The following TRHDE variants were observed in gnomAD, a reference collection of about 807,000 sequenced individuals.
TRHDE encodes the protein thyrotropin releasing hormone degrading enzyme.
In TRHDE, 72 loss-of-function variants were observed where a neutral mutation model predicts 125.7. That is an observed-to-expected ratio of 0.57 (90% CI 0.47 to 0.70). TRHDE has a LOEUF of 0.70. Among genes scored for constraint, TRHDE ranks in the 30% least tolerant of loss-of-function variants. TRHDE has a pLI of 0.00. For missense variants in TRHDE, 1,110 were observed against 1,327.1 expected, an observed-to-expected ratio of 0.84 and a Z score of 2.54; for synonymous variants, 509 against 509.1, an observed-to-expected ratio of 1.00 and a Z score of 0.00.
At chr12:72,516,899 T>G (rs1185112637) in intron 6 of TRHDE, among the ~76,000 whole-genome samples, 1 of 152,156 alleles carries the variant, frequency 6.6e-6, no homozygotes, top group Non-Finnish European at 1.5e-5. Context: ...TCTATTGAGA[T>G]AATCATGTGG....
chr12:72,157,885 A>G (rs1876552716), intron 2 of TRHDE, among the ~76,000 whole-genome samples: 2 of 152,162 alleles, frequency 1.3e-5, no homozygotes, highest in Admixed American at 6.5e-5. Flanking sequence ...CAGGGAAAAG[A>G]GAAGAACATT....
intron 9 of TRHDE, among the ~76,000 whole-genome samples, chr12:72,564,856 CAG>C: frequency 6.6e-6 from 1 of 151,556 alleles, no homozygotes; most frequent in Non-Finnish European, 1.5e-5. Flanking sequence ...TCAGTGGAGA[CAG>C]GGTTTCACCG....
At chr12:72,632,464 GC>G (rs1267486758) in intron 15 of TRHDE, among the ~76,000 whole-genome samples, 3 of 151,676 alleles carry the variant, frequency 2.0e-5, no homozygotes, top group Non-Finnish European at 4.4e-5. Context: ...TATAAATAGG[GC>G]AATTTATCAG....
At chr12:72,103,126 C>A (rs1422951104) in intron 1 of TRHDE, among the ~76,000 whole-genome samples, 3 of 152,186 alleles carry the variant, frequency 2.0e-5, no homozygotes, top group Non-Finnish European at 2.9e-5. Flanking sequence ...TCCCAGAGAG[C>A]CCAGTCTGAG....
chr12:72,245,158 G>A (rs1878551657), intron 2 of TRHDE, among the ~76,000 whole-genome samples: 1 of 151,846 alleles, frequency 6.6e-6, no homozygotes, highest in Non-Finnish European at 1.5e-5. Flanking sequence ...CATTAGTTGT[G>A]CGGCATAAAT....
intron 15 of TRHDE, among the ~76,000 whole-genome samples, chr12:72,622,332 T>C (rs1592578395): frequency 6.6e-6 from 1 of 152,130 alleles, no homozygotes; most frequent in Non-Finnish European, 1.5e-5. Context: ...AATACTGTGC[T>C]AAATGTCACT....
chr12:72,369,552 G>C (rs1324478899), intron 2 of TRHDE, among the ~76,000 whole-genome samples: 1 of 152,034 alleles, frequency 6.6e-6, no homozygotes, highest in Non-Finnish European at 1.5e-5. Flanking sequence ...AAGAATTTTG[G>C]CATGTTTGTA....
At chr12:72,307,330 A>ATTTT (rs11323954) in intron 2 of TRHDE, among the ~76,000 whole-genome samples, 19 of 137,138 alleles carry the variant, frequency 1.4e-4, no homozygotes, top group East Asian at 8.6e-4. Context: ...ATACCCAGCT[A>ATTTT]TTTTTTTTTT....
chr12:72,493,312 T>C (rs941739436), intron 5 of TRHDE, among the ~76,000 whole-genome samples: 6 of 151,976 alleles, frequency 3.9e-5, no homozygotes, highest in African/African-American at 1.4e-4. Context: ...CTACATACAT[T>C]ATAAATCTGC....
intron 2 of TRHDE, among the ~76,000 whole-genome samples, chr12:72,114,765 G>A (rs559652890): frequency 1.3e-5 from 2 of 152,140 alleles, no homozygotes; most frequent in South Asian, 4.1e-4. Flanking sequence ...AGGATGTGCA[G>A]AGAGTAAAGA....
intron 5 of TRHDE, among the ~76,000 whole-genome samples, chr12:72,483,918 TTAA>T (rs1234832113): frequency 6.6e-6 from 1 of 151,994 alleles, no homozygotes; most frequent in African/African-American, 2.4e-5. Context: ...TTAATAAAAA[TTAA>T]TAATTTTGTT....
intron 2 of TRHDE, among the ~76,000 whole-genome samples, chr12:72,250,852 A>G: frequency 6.9e-6 from 1 of 145,286 alleles, no homozygotes; most frequent in South Asian, 2.2e-4. Flanking sequence ...ATATATATAT[A>G]TATATATATA....
chr12:72,221,411 A>G (rs933440074), intron 2 of TRHDE, among the ~76,000 whole-genome samples: 1 of 152,122 alleles, frequency 6.6e-6, no homozygotes, highest in African/African-American at 2.4e-5. Flanking sequence ...CAAGCTAATC[A>G]GTAATCTTTT....
At chr12:72,589,752 T>C (rs1011852382) in intron 12 of TRHDE, among the ~76,000 whole-genome samples, 1 of 152,090 alleles carries the variant, frequency 6.6e-6, no homozygotes, top group African/African-American at 2.4e-5. Flanking sequence ...GTGAAAATGA[T>C]TTCTCTCTTA....
chr12:72,179,159 A>G (rs1234766043), intron 2 of TRHDE, among the ~76,000 whole-genome samples: 1 of 152,150 alleles, frequency 6.6e-6, no homozygotes, highest in African/African-American at 2.4e-5. Flanking sequence ...GAAGTTCATG[A>G]CAACACTTGG....
At chr12:72,276,818 C>T (rs909328393) in intron 1 of TRHDE, among the ~76,000 whole-genome samples, 2 of 152,166 alleles carry the variant, frequency 1.3e-5, no homozygotes, top group African/African-American at 4.8e-5. Context: ...AATACATACT[C>T]ACTTTTTCAT....
At chr12:72,413,331 A>G (rs1873591164) in intron 3 of TRHDE, among the ~76,000 whole-genome samples, 1 of 151,948 alleles carries the variant, frequency 6.6e-6, no homozygotes, top group Non-Finnish European at 1.5e-5. Context: ...ACCATCCAAT[A>G]TGGTAGCCAC....
intron 2 of TRHDE, chr12:72,163,187 T>C (rs576758472): frequency 1.3e-5 from 2 of 152,226 alleles, no homozygotes; most frequent in East Asian, 1.9e-4. Flanking sequence ...GACCTCATCA[T>C]TGAAAGGGTT....
At chr12:72,210,171 G>GACCTATCTATCT (rs1877747088) in intron 2 of TRHDE, among the ~76,000 whole-genome samples, 1 of 146,326 alleles carries the variant, frequency 6.8e-6, no homozygotes, top group Admixed American at 6.8e-5. Context: ...CTATAAGATT[G>GACCTATCTATCT]ATCTATCTAT....
Sources: gnomAD v4.1 joint callset for allele counts (sites outside exome capture counted in the v4.1 genomes callset) on GRCh38, gnomAD v4.1.1 for gene constraint, MANE v1.5 for transcripts, NCBI Gene and HGNC (gene_info 2026-07-23, HGNC 2026-07-21) for gene names.